Variants in CRTAC1 observed in about 807,000 individuals in gnomAD.
The protein encoded by CRTAC1 is cartilage acidic protein 1.
In CRTAC1, 37 loss-of-function variants were observed where a neutral mutation model predicts 67.8. The ratio of observed to expected loss-of-function variants is 0.55; its 90% CI spans 0.42 to 0.72. The LOEUF (loss-of-function observed/expected upper bound fraction) is 0.72. CRTAC1 is among the 30% of genes least tolerant of loss of function. The pLI is 0.00. For synonymous variants in CRTAC1, 348 were observed against 371.0 expected (o/e 0.94, Z 0.71); for missense variants, 780 against 931.6 (o/e 0.84, Z 2.12).
intron 2 of CRTAC1, among the ~76,000 whole-genome samples, chr10:97,972,451 T>G (rs1167654260): frequency 6.6e-6 from 1 of 152,198 alleles, no homozygotes; most frequent in Non-Finnish European, 1.5e-5. Flanking sequence ...CTCTAAGTTC[T>G]CACGCCCTCT....
chr10:97,878,513 T>C (rs1395364527), intron 14 of CRTAC1: 1 of 994,318 alleles, frequency 1.0e-6, no homozygotes, highest in East Asian at 6.7e-5. Flanking sequence ...TTTTATTATA[T>C]CCTGGGATGA....
intron 11 of CRTAC1, 52 bp from the exon 12 acceptor site, chr10:97,884,403 C>A: frequency 6.7e-7 from 1 of 1,488,750 alleles, no homozygotes; most frequent in Non-Finnish European, 9.1e-7. Context: ...AGGAGGCTCT[C>A]AGCGGAAGCA....
At chr10:97,913,305 C>A (rs2050715591) in intron 5 of CRTAC1, among the ~76,000 whole-genome samples, 3 of 152,150 alleles carry the variant, frequency 2.0e-5, no homozygotes, top group Admixed American at 2.0e-4. Context: ...CTGGGCAGGA[C>A]TTGACTGTGT....
intron 9 of CRTAC1, 76 bp downstream of exon 9, chr10:97,896,833 T>A: frequency 6.7e-6 from 3 of 450,864 alleles, no homozygotes; most frequent in East Asian, 9.2e-5. Context: ...GGCTGCCCCG[T>A]CCCTCCCGCC....
chr10:97,966,000 T>C (rs1245235699), intron 2 of CRTAC1, among the ~76,000 whole-genome samples: 2 of 152,146 alleles, frequency 1.3e-5, no homozygotes, highest in Admixed American at 6.5e-5. Flanking sequence ...TGGAGGGACA[T>C]AAGGCTGGCC....
intron 7 of CRTAC1, among the ~76,000 whole-genome samples, chr10:97,904,058 CACAA>C: frequency 6.6e-6 from 1 of 151,940 alleles, no homozygotes; most frequent in African/African-American, 2.4e-5. Context: ...CTGCACACTC[CACAA>C]ACACTCTCTG....
At chr10:97,931,147 A>G (rs2050997793) in intron 3 of CRTAC1, among the ~76,000 whole-genome samples, 1 of 34,814 alleles carries the variant, frequency 2.9e-5, no homozygotes, top group African/African-American at 4.7e-5. Flanking sequence ...GCACTTAGAT[A>G]TAATTTTTCC....
chr10:97,961,823 C>T (rs2051530539), intron 2 of CRTAC1, among the ~76,000 whole-genome samples: 1 of 152,188 alleles, frequency 6.6e-6, no homozygotes, highest in East Asian at 1.9e-4. Context: ...TTGCTTGCAG[C>T]TAGGAGTTCA....
At chr10:97,912,017 G>A (rs1433320315) in intron 5 of CRTAC1, among the ~76,000 whole-genome samples, 4 of 152,124 alleles carry the variant, frequency 2.6e-5, no homozygotes, top group East Asian at 3.9e-4. Flanking sequence ...CCACGGCACC[G>A]GGGGTCAGAA....
chr10:97,930,239 C>G (rs138266954), intron 3 of CRTAC1, among the ~76,000 whole-genome samples: 1 of 152,204 alleles, frequency 6.6e-6, no homozygotes, highest in Admixed American at 6.5e-5. Flanking sequence ...TGAGGTTGCT[C>G]GTAGGAGGCA....
At chr10:98,015,367 T>A (rs1479404398) in intron 1 of CRTAC1, among the ~76,000 whole-genome samples, 1 of 152,044 alleles carries the variant, frequency 6.6e-6, no homozygotes, top group Admixed American at 6.6e-5. Context: ...TGGGAGTTAG[T>A]GTTTAGTGGA....
At chr10:97,995,291 C>G (rs1004120281) in intron 2 of CRTAC1, among the ~76,000 whole-genome samples, 27 of 152,090 alleles carry the variant, frequency 1.8e-4, no homozygotes, top group African/African-American at 6.0e-4. Context: ...CTTCTCTCCC[C>G]CAACATACAC....
chr10:97,938,236 G>T (rs1202667905), intron 2 of CRTAC1, among the ~76,000 whole-genome samples: 14 of 152,204 alleles, frequency 9.2e-5, no homozygotes, highest in Admixed American at 4.6e-4. Flanking sequence ...GGAGAGACAG[G>T]TACTTGGGTT....
chr10:97,890,100 C>T (rs2050346298), intron 11 of CRTAC1, among the ~76,000 whole-genome samples: 1 of 152,096 alleles, frequency 6.6e-6, no homozygotes, highest in Middle Eastern at 3.4e-3. Flanking sequence ...TACACACACA[C>T]ACACACACAC....
intron 6 of CRTAC1, among the ~76,000 whole-genome samples, 174 bp from the exon 7 acceptor site, chr10:97,904,988 T>G (rs1038227692): frequency 2.6e-5 from 4 of 151,948 alleles, no homozygotes; most frequent in African/African-American, 9.7e-5. Flanking sequence ...GGGCAGGAAG[T>G]GGGACAGTCA....
intron 11 of CRTAC1, among the ~76,000 whole-genome samples, chr10:97,893,719 C>T (rs1313572963): frequency 6.6e-6 from 1 of 152,214 alleles, no homozygotes; most frequent in African/African-American, 2.4e-5. Flanking sequence ...CCCTCTCGGG[C>T]TGCCCTTGAT....
chr10:97,986,064 G>A (rs2051977558), intron 2 of CRTAC1, among the ~76,000 whole-genome samples: 1 of 152,210 alleles, frequency 6.6e-6, no homozygotes, highest in Non-Finnish European at 1.5e-5. Context: ...AAGCTGCAAT[G>A]TGTGGGAAAA....
chr10:97,932,953 C>T (rs562484814), intron 3 of CRTAC1, among the ~76,000 whole-genome samples: 24 of 152,340 alleles, frequency 1.6e-4, no homozygotes, highest in African/African-American at 5.5e-4. Flanking sequence ...GGTGCTTGCC[C>T]TCTTCCAGGA....
At chr10:98,006,907 G>A (rs921230132) in intron 2 of CRTAC1, among the ~76,000 whole-genome samples, 2 of 152,222 alleles carry the variant, frequency 1.3e-5, no homozygotes, top group Admixed American at 6.5e-5. Flanking sequence ...CCTGCTACAT[G>A]ATTCTTAAAC....
Sources: gnomAD v4.1 joint callset for allele counts (sites outside exome capture counted in the v4.1 genomes callset) on GRCh38, gnomAD v4.1.1 for gene constraint, MANE v1.5 for transcripts, NCBI Gene and HGNC (gene_info 2026-07-23, HGNC 2026-07-21) for gene names.